Variants in BMAL1 observed in about 807,000 individuals in gnomAD.
The protein encoded by BMAL1 is basic helix-loop-helix ARNT like 1, also known as basic helix-loop-helix ARNT-like protein 1.
At chr11:13,316,354 A>T in the BMAL1 span, among the ~76,000 whole-genome samples, 1 of 152,138 alleles carries the variant, frequency 6.6e-6, no homozygotes, top group Non-Finnish European at 1.5e-5. Context: ...TTTTTCATGC[A>T]TGATGTTTTT....
the BMAL1 span, among the ~76,000 whole-genome samples, chr11:13,385,414 G>T: frequency 2.0e-5 from 3 of 152,172 alleles, no homozygotes; most frequent in Non-Finnish European, 2.9e-5. Context: ...AAATATGTGG[G>T]CATCATGATT....
the BMAL1 span, among the ~76,000 whole-genome samples, chr11:13,371,200 G>T: frequency 6.6e-6 from 1 of 152,206 alleles, no homozygotes; most frequent in Non-Finnish European, 1.5e-5. Context: ...TGGTTTGCTT[G>T]TTGGTGAAGT....
the BMAL1 span, among the ~76,000 whole-genome samples, chr11:13,373,325 T>G: frequency 6.6e-6 from 1 of 152,128 alleles, no homozygotes; most frequent in African/African-American, 2.4e-5. Flanking sequence ...ATGCACAGGC[T>G]AATAATTTTT....
the BMAL1 span, among the ~76,000 whole-genome samples, chr11:13,342,576 C>T: frequency 6.6e-6 from 1 of 152,144 alleles, no homozygotes; most frequent in African/African-American, 2.4e-5. Flanking sequence ...TTTAAAGGTC[C>T]AAGAAGCCCT....
the BMAL1 span, among the ~76,000 whole-genome samples, chr11:13,334,410 A>C: frequency 6.6e-6 from 1 of 152,254 alleles, no homozygotes; most frequent in Non-Finnish European, 1.5e-5. Context: ...AACAGACTGC[A>C]GGGCAGAGGC....
the BMAL1 span, among the ~76,000 whole-genome samples, chr11:13,285,057 C>G: frequency 6.6e-6 from 1 of 152,164 alleles, no homozygotes. Flanking sequence ...TCTTCCTTGC[C>G]CGTGCCTGCC....
At chr11:13,331,152 C>T in the BMAL1 span, among the ~76,000 whole-genome samples, 13 of 152,212 alleles carry the variant, frequency 8.5e-5, no homozygotes, top group East Asian at 2.5e-3. Flanking sequence ...CAGGGGTTCA[C>T]AGTCTTAGAA....
the BMAL1 span, among the ~76,000 whole-genome samples, chr11:13,320,194 AG>A: frequency 3.6e-3 from 547 of 152,332 alleles, 13 homozygotes; most frequent in Non-Finnish European, 9.4e-4. Flanking sequence ...TTAGAAGGAC[AG>A]GTCAGCTTAC....
the BMAL1 span, among the ~76,000 whole-genome samples, chr11:13,284,448 C>G: frequency 2.0e-5 from 3 of 150,356 alleles, no homozygotes; most frequent in Admixed American, 6.6e-5. Flanking sequence ...ACAGGCCGTC[C>G]TGAATATAAT....
the BMAL1 span, among the ~76,000 whole-genome samples, chr11:13,341,104 C>T: frequency 6.6e-6 from 1 of 152,220 alleles, no homozygotes; most frequent in Non-Finnish European, 1.5e-5. Context: ...CCCACCTTGT[C>T]CTGCCTGTCT....
At chr11:13,325,566 G>A in the BMAL1 span, among the ~76,000 whole-genome samples, 17 of 151,664 alleles carry the variant, frequency 1.1e-4, no homozygotes, top group Middle Eastern at 3.2e-3. Context: ...AGCCTTTGCC[G>A]TCCTTGGGTC....
chr11:13,352,099 A>G, the BMAL1 span, among the ~76,000 whole-genome samples: 1 of 152,116 alleles, frequency 6.6e-6, no homozygotes, highest in Non-Finnish European at 1.5e-5. Context: ...GAATCCAGGC[A>G]TGAGCTGGGG....
the BMAL1 span, chr11:13,355,276 A>G: frequency 5.0e-6 from 8 of 1,613,870 alleles, no homozygotes; most frequent in Non-Finnish European, 6.8e-6. Context: ...GATGCCCACT[A>G]GGAGATGCTA....
At chr11:13,284,266 A>ATAT in the BMAL1 span, among the ~76,000 whole-genome samples, 7 of 44,882 alleles carry the variant, frequency 1.6e-4, 1 homozygote, top group South Asian at 2.0e-3. Flanking sequence ...ATATATATAT[A>ATAT]TTTTTTTTTT....
At chr11:13,297,313 T>A in the BMAL1 span, among the ~76,000 whole-genome samples, 5 of 152,164 alleles carry the variant, frequency 3.3e-5, no homozygotes, top group Non-Finnish European at 7.4e-5. Flanking sequence ...GCTGTAGGGA[T>A]GAAGGAGTTG....
the BMAL1 span, among the ~76,000 whole-genome samples, chr11:13,293,345 AC>A: frequency 6.6e-6 from 1 of 152,190 alleles, no homozygotes; most frequent in Non-Finnish European, 1.5e-5. Flanking sequence ...CAGCCCTTTT[AC>A]TTCATAACCT....
the BMAL1 span, among the ~76,000 whole-genome samples, chr11:13,317,367 G>A: frequency 4.3e-4 from 66 of 152,208 alleles, no homozygotes; most frequent in African/African-American, 1.5e-3. Flanking sequence ...TTGTTGTTTT[G>A]TTTTTTGTTT....
the BMAL1 span, among the ~76,000 whole-genome samples, chr11:13,297,554 T>G: frequency 1.3e-5 from 2 of 152,204 alleles, no homozygotes; most frequent in Admixed American, 1.3e-4. Context: ...GGTATTGGTG[T>G]GAGGGTGGGC....
the BMAL1 span, among the ~76,000 whole-genome samples, chr11:13,304,862 G>A: frequency 6.6e-6 from 1 of 152,212 alleles, no homozygotes; most frequent in East Asian, 1.9e-4. Context: ...CAGCGGTCCG[G>A]TTGGCTCCTT....
Sources: gnomAD v4.1 joint callset for allele counts (sites outside exome capture counted in the v4.1 genomes callset) on GRCh38, gnomAD v4.1.1 for gene constraint, MANE v1.5 for transcripts, NCBI Gene and HGNC (gene_info 2026-07-23, HGNC 2026-07-21) for gene names.